ADGRL2: variants seen among roughly 807,000 people sequenced by gnomAD.
ADGRL2 encodes the protein calcium-independent alpha-latrotoxin receptor 2.
ADGRL2 carries 44 observed loss-of-function variants against 157.4 expected under a neutral mutation model. That is an observed-to-expected ratio of 0.28 (90% CI 0.22 to 0.36). ADGRL2 has a LOEUF of 0.36. Among genes scored for constraint, ADGRL2 ranks in the 10% least tolerant of loss-of-function variants. The probability of loss-of-function intolerance (pLI) is 1.00; values close to 1 mark genes in which losing one functional copy is unlikely to be tolerated. For missense variants in ADGRL2, 1,510 were observed against 1,768.9 expected, an observed-to-expected ratio of 0.85 and a Z score of 2.63; for synonymous variants, 585 against 624.7, an observed-to-expected ratio of 0.94 and a Z score of 0.95.
At chr1:81,747,012 G>T (rs778840068) in intron 1 of ADGRL2, among the ~76,000 whole-genome samples, 1 of 139,808 alleles carries the variant, frequency 7.2e-6, no homozygotes, top group East Asian at 2.1e-4. Flanking sequence ...GTATACACAC[G>T]TATGTATACA....
At chr1:81,803,423 G>A (rs2088612797) in intron 1 of ADGRL2, among the ~76,000 whole-genome samples, 1 of 151,950 alleles carries the variant, frequency 6.6e-6, no homozygotes, top group African/African-American at 2.4e-5. Context: ...TCGCTGAGTG[G>A]AGGCTTTTTT....
intron 1 of ADGRL2, among the ~76,000 whole-genome samples, chr1:81,706,237 A>T (rs12736111): frequency 0.2 from 30,625 of 151,692 alleles, 3,244 homozygotes; most frequent in South Asian, 0.3. Context: ...AAATAAAAAA[A>T]TTTTTTTAAA....
Position 81,904,479 on chromosome 1 carries a change from C to T in ADGRL2, c.74-2538C>T, listed in dbSNP as rs2094548612. 3.9e-5 allele frequency among the ~76,000 whole-genome samples: 6 copies of T among 152,084 alleles called. No individual in the cohort carries two copies. In the South Asian group the frequency reaches 1.0e-3, roughly 26 times the overall value. Reference sequence around the variant, plus strand: ...AAAGAGTTTTATTTAGCTTATGGTTCTGGGGTTCTGGGGTCGAAGGTGGGC... The same window carrying T: ...AAAGAGTTTTATTTAGCTTATGGTTTTGGGGTTCTGGGGTCGAAGGTGGGC... On this transcript the variant is annotated intron_variant, in intron 2 of 23. Coordinates refer to ENST00000686636, the MANE Select transcript of ADGRL2 (RefSeq NM_001366006.2).
chr1:81,404,622 G>T (rs979390642), intron 1 of ADGRL2, among the ~76,000 whole-genome samples: 5 of 152,170 alleles, frequency 3.3e-5, no homozygotes, highest in African/African-American at 1.2e-4. Context: ...TAAAATGCTT[G>T]ATAGGTTGTA....
At chr1:81,593,957 G>A (rs1320743674) in intron 3 of ADGRL2, among the ~76,000 whole-genome samples, 3 of 152,144 alleles carry the variant, frequency 2.0e-5, no homozygotes, top group Admixed American at 2.0e-4. Context: ...TTCAAAAATA[G>A]AGGCTTCTAT....
chr1:81,823,143 T>C (rs1464954664), intron 1 of ADGRL2, among the ~76,000 whole-genome samples: 1 of 152,000 alleles, frequency 6.6e-6, no homozygotes, highest in African/African-American at 2.4e-5. Flanking sequence ...TTTTTTAATT[T>C]AACTTTCTTA....
At chr1:81,356,712 T>G (rs540311182) in intron 1 of ADGRL2, among the ~76,000 whole-genome samples, 14 of 151,956 alleles carry the variant, frequency 9.2e-5, no homozygotes, top group Admixed American at 3.3e-4. Context: ...CCAGCACTTT[T>G]GGAGGCCGAG....
At chr1:81,949,653 T>C (rs760221487) in intron 6 of ADGRL2, among the ~76,000 whole-genome samples, 6 of 152,214 alleles carry the variant, frequency 3.9e-5, no homozygotes, top group Non-Finnish European at 5.9e-5. Context: ...TAATCAGGCA[T>C]GCTGATCATG....
chr1:81,468,522 G>A (rs1228191075), intron 2 of ADGRL2, among the ~76,000 whole-genome samples: 1 of 152,050 alleles, frequency 6.6e-6, no homozygotes, highest in Non-Finnish European at 1.5e-5. Context: ...TGACAACAAT[G>A]AATACAAACC....
intron 1 of ADGRL2, among the ~76,000 whole-genome samples, chr1:81,351,696 A>G (rs548572199): frequency 6.6e-6 from 1 of 152,294 alleles, no homozygotes; most frequent in African/African-American, 2.4e-5. Flanking sequence ...GGTGCTGAAT[A>G]CTCAGAATCA....
intron 1 of ADGRL2, among the ~76,000 whole-genome samples, chr1:81,402,232 C>G (rs1195117997): frequency 2.0e-5 from 3 of 152,164 alleles, no homozygotes; most frequent in African/African-American, 7.2e-5. Context: ...AGTGCTCTTA[C>G]AGACAAACAG....
At chr1:81,933,903 C>T (rs2095271056) in intron 3 of ADGRL2, among the ~76,000 whole-genome samples, 1 of 152,030 alleles carries the variant, frequency 6.6e-6, no homozygotes, top group African/African-American at 2.4e-5. Flanking sequence ...TCCTTTCTGA[C>T]CCTTAACTGT....
intron 3 of ADGRL2, among the ~76,000 whole-genome samples, chr1:81,912,781 G>GA (rs1472298669): frequency 6.6e-6 from 1 of 152,050 alleles, no homozygotes. Context: ...ATTCTATTTT[G>GA]ACAGCTCAAA....
chr1:81,778,049 G>A (rs776207169), intron 2 of ADGRL2, among the ~76,000 whole-genome samples: 3 of 152,084 alleles, frequency 2.0e-5, no homozygotes, highest in Non-Finnish European at 4.4e-5. Flanking sequence ...GGTCAGGCGC[G>A]GTGGCTCACG....
intron 2 of ADGRL2, among the ~76,000 whole-genome samples, chr1:81,499,535 G>A (rs1020662709): frequency 2.6e-5 from 4 of 152,204 alleles, no homozygotes; most frequent in Non-Finnish European, 4.4e-5. Context: ...CATCTTGCTG[G>A]TGTTGGTTCT....
At chr1:81,704,250 A>G (rs1304492787) in intron 1 of ADGRL2, among the ~76,000 whole-genome samples, 2 of 152,234 alleles carry the variant, frequency 1.3e-5, no homozygotes, top group Non-Finnish European at 2.9e-5. Context: ...AGGCCCTAAA[A>G]GTCTGACTGT....
chr1:81,545,821 A>G (rs1169293834), intron 2 of ADGRL2, among the ~76,000 whole-genome samples: 1 of 152,104 alleles, frequency 6.6e-6, no homozygotes. Flanking sequence ...CACACTATCA[A>G]TAAACTCCAG....
chr1:81,678,837 G>A (rs1435221763), intron 3 of ADGRL2, among the ~76,000 whole-genome samples: 2 of 152,100 alleles, frequency 1.3e-5, no homozygotes, highest in African/African-American at 2.4e-5. Flanking sequence ...CAAACATCCT[G>A]GTGTGCAAAG....
chr1:81,811,433 A>G (rs2089857370), intron 1 of ADGRL2, among the ~76,000 whole-genome samples: 1 of 151,500 alleles, frequency 6.6e-6, no homozygotes, highest in African/African-American at 2.4e-5. Context: ...ATTTTAAGGG[A>G]GAGAGGGGCA....
Sources: allele counts gnomAD v4.1 joint callset (sites outside exome capture counted in the v4.1 genomes callset), GRCh38; gene constraint gnomAD v4.1.1; transcripts MANE v1.5; gene names NCBI Gene and HGNC (gene_info 2026-07-23, HGNC 2026-07-21).